Variants in PHAX observed in about 807,000 individuals in gnomAD.
The protein encoded by PHAX is phosphorylated adaptor for RNA export, also known as phosphorylated adapter RNA export protein.
PHAX carries 31 observed loss-of-function variants against 41.6 expected under a neutral mutation model. That is an observed-to-expected ratio of 0.75 (90% CI 0.56 to 1.01). The LOEUF is 1.01. Ranked by LOEUF, PHAX falls within the 50% of genes least tolerant of loss-of-function variation. PHAX has a pLI of 0.00. For missense variants in PHAX, 453 were observed against 472.9 expected, an observed-to-expected ratio of 0.96 and a Z score of 0.39; for synonymous variants, 175 against 164.9, an observed-to-expected ratio of 1.06 and a Z score of -0.47.
At chr5:126,615,501 TTC>T (rs1369907781) in intron 3 of PHAX, among the ~76,000 whole-genome samples, 4 of 146,756 alleles carry the variant, frequency 2.7e-5, no homozygotes, top group Admixed American at 6.9e-5. Context: ...CTTTTTCACA[TTC>T]TGTGCTTTTT....
At chr5:126,616,047 CTTT>C (rs35245075) in intron 3 of PHAX, among the ~76,000 whole-genome samples, 7 of 123,798 alleles carry the variant, frequency 5.7e-5, no homozygotes, top group Non-Finnish European at 5.0e-5. Context: ...CAACCACCAA[CTTT>C]TTTTTTTTTT....
intron 4 of PHAX, among the ~76,000 whole-genome samples, chr5:126,623,310 T>C (rs530259496): frequency 6.6e-6 from 1 of 152,194 alleles, no homozygotes; most frequent in East Asian, 1.9e-4. Flanking sequence ...AAAAGGAGAA[T>C]ATTAGAGAAA....
rs34986351 is a variant in PHAX at position 126,625,596 on chromosome 5, CA to C, written c.*767del. The C allele has an allele frequency of 0.056, 6,610 of 117,540 alleles. 153 individuals carry two copies. The highest frequency in any genetic ancestry group is 0.16 in the East Asian group (688 of 4,366). The allele number at this position is 117,540 out of a possible 1,614,324, so 7.3% of individuals were successfully genotyped here. On this transcript the variant is annotated 3_prime_UTR_variant, in exon 5 of 5. Coordinates refer to ENST00000297540, the MANE Select transcript of PHAX (RefSeq NM_032177.4). ...TGGGCGACAGAGCAAGACTCTGTCT[CA>C]AAAAAAAAAAAAAATACAATTAAGA...
In PHAX at chr5:126,626,542, T is replaced by C. The variant is rs1752355956; in HGVS notation, c.*1698T>C. The C allele has an allele frequency of 1.3e-5, 2 of 151,734 alleles. No homozygotes were observed. The highest frequency in any genetic ancestry group is 4.8e-5 in the African/African-American group (2 of 41,246). 9.4% of individuals were successfully genotyped at this position (151,734 alleles called of 1,614,324 possible). Reference sequence around the variant, plus strand: ...TCACAAGGTCAAGAGATCGAGACCATCCTGGCCAACATGGTGAAACCCTGT... The same window carrying C: ...TCACAAGGTCAAGAGATCGAGACCACCCTGGCCAACATGGTGAAACCCTGT... On this transcript the variant is annotated 3_prime_UTR_variant, in exon 5 of 5. Transcript: ENST00000297540.
Position 126,627,083 on chromosome 5 carries a change from A to G in PHAX, c.*2239A>G, listed in dbSNP as rs1470598925. The stretch of plus-strand genomic sequence containing the variant: ...GCAGAAATGTTGTATATTAAGCAAA[A>G]ATGTAAAATTCAGCAATTATAAACT... On this transcript the variant is annotated 3_prime_UTR_variant, in exon 5 of 5. Coordinates refer to ENST00000297540, the MANE Select transcript of PHAX (RefSeq NM_032177.4). 1.3e-5 allele frequency: 2 copies of G among 152,208 alleles called. No homozygotes were observed. The highest frequency in any genetic ancestry group is 2.9e-5 in the Non-Finnish European group (2 of 68,032). 9.4% of individuals were successfully genotyped at this position (152,208 alleles called of 1,614,324 possible).
intron 3 of PHAX, among the ~76,000 whole-genome samples, chr5:126,612,610 A>G (rs1316161138): frequency 1.1e-4 from 16 of 152,050 alleles, no homozygotes; most frequent in Non-Finnish European, 2.1e-4. Context: ...CTGAGGCAGG[A>G]GAATCGTTTG....
At position 126,625,212 on chromosome 5, in the gene PHAX, T is replaced by TA. The variant is rs1202523190; in HGVS notation, c.*368_*369insA. 3 of 171,808 alleles carry TA rather than the reference T, an allele frequency of 1.7e-5. No homozygotes were observed. Among genetic ancestry groups the TA allele is most frequent in the African/African-American group, 7.1e-5 (3 of 42,016 alleles). The allele number at this position is 171,808 out of a possible 1,614,324, so 10.6% of individuals were successfully genotyped here. A position where few individuals can be genotyped will look rare whatever the true frequency, so the allele number is the denominator to read the frequency against. ...TTTGCTTTAAAACATTCCGCTAAAA[T>TA]CATAATGGGACATATAAATTATTAA... On this transcript the variant is annotated 3_prime_UTR_variant, in exon 5 of 5. Transcript: ENST00000297540.
chr5:126,611,805 A>T (rs1331215149), intron 3 of PHAX, among the ~76,000 whole-genome samples: 1 of 151,866 alleles, frequency 6.6e-6, no homozygotes, highest in Non-Finnish European at 1.5e-5. Flanking sequence ...AAAAAAAAAA[A>T]GTGATACATC....
intron 2 of PHAX, among the ~76,000 whole-genome samples, chr5:126,607,385 ATTCTTT>A (rs1752006268): frequency 8.1e-6 from 1 of 123,406 alleles, no homozygotes; most frequent in African/African-American, 3.3e-5. Context: ...CCAGGTCTGA[ATTCTTT>A]TTTTTTTTTT....
At chr5:126,622,907 CTT>C (rs1315111823) in intron 4 of PHAX, among the ~76,000 whole-genome samples, 1 of 152,004 alleles carries the variant, frequency 6.6e-6, no homozygotes, top group Non-Finnish European at 1.5e-5. Context: ...AGGTGGGTCA[CTT>C]GAGGCCAGGA....
intron 4 of PHAX, among the ~76,000 whole-genome samples, chr5:126,617,701 A>T (rs1752207457): frequency 6.6e-6 from 1 of 151,826 alleles, no homozygotes; most frequent in Non-Finnish European, 1.5e-5. Context: ...CTGGTCTCAA[A>T]CTCCTGACCT....
chr5:126,604,726 G>C (rs1751963233), intron 2 of PHAX, among the ~76,000 whole-genome samples: 1 of 144,444 alleles, frequency 6.9e-6, no homozygotes, highest in South Asian at 2.3e-4. Context: ...AGGCCATTAT[G>C]CCTGGCCAAT....
intron 3 of PHAX, among the ~76,000 whole-genome samples, chr5:126,614,343 C>A (rs1752151870): frequency 1.3e-5 from 2 of 152,104 alleles, no homozygotes; most frequent in Non-Finnish European, 2.9e-5. Context: ...AAGTGATCCA[C>A]CCGTCTCGGC....
In PHAX at chr5:126,617,237, T is replaced by G. The variant is rs1353497919; in HGVS notation, c.832-13T>G. Reference sequence around the variant, plus strand: ...GAGTATATGCAGTTTACCTTTTCTGTTCCTTTTTGTAGAATGGTAGTCGAA... The same window carrying G: ...GAGTATATGCAGTTTACCTTTTCTGGTCCTTTTTGTAGAATGGTAGTCGAA... On this transcript the variant is annotated splice_polypyrimidine_tract_variant and intron_variant, in intron 3 of 4. Transcript: ENST00000297540. 1.9e-6 allele frequency: 3 copies of G among 1,583,468 alleles called. No individual in the cohort carries two copies. Among genetic ancestry groups the G allele is most frequent in the Non-Finnish European group, 1.7e-6 (2 of 1,153,878 alleles).
chr5:126,619,903 A>T (rs1052813725), intron 4 of PHAX, among the ~76,000 whole-genome samples: 5 of 152,216 alleles, frequency 3.3e-5, no homozygotes, highest in Non-Finnish European at 5.9e-5. Flanking sequence ...GGTGGTGCAC[A>T]TCTATCACAG....
intron 3 of PHAX, 78 bp from the exon 4 acceptor site, chr5:126,617,172 T>C (rs1449954473): frequency 1.4e-5 from 11 of 806,290 alleles, no homozygotes; most frequent in Non-Finnish European, 1.7e-5. Context: ...ATCCCCTTAA[T>C]TGTGTCTCTG....
chr5:126,608,196 A>G (rs1207506908), intron 2 of PHAX, among the ~76,000 whole-genome samples, 168 bp from the exon 3 acceptor site: 1 of 152,184 alleles, frequency 6.6e-6, no homozygotes, highest in African/African-American at 2.4e-5. Context: ...TCCTTCTGTG[A>G]CCCAAGATTA....
chr5:126,608,330 A>G, intron 2 of PHAX, 34 bp from the exon 3 acceptor site: 1 of 1,599,612 alleles, frequency 6.3e-7, no homozygotes. Flanking sequence ...TTGTACAACA[A>G]ACAAAGAGGA....
At chr5:126,607,647 C>CCCA (rs1236809088) in intron 2 of PHAX, among the ~76,000 whole-genome samples, 1 of 152,140 alleles carries the variant, frequency 6.6e-6, no homozygotes, top group Admixed American at 6.6e-5. Context: ...AGGTGATCCA[C>CCCA]CCACCTCGGC....
Sources: allele counts gnomAD v4.1 joint callset (sites outside exome capture counted in the v4.1 genomes callset), GRCh38; gene constraint gnomAD v4.1.1; transcripts MANE v1.5; gene names NCBI Gene and HGNC (gene_info 2026-07-23, HGNC 2026-07-21).